ABCC9: variants seen among roughly 807,000 people sequenced by gnomAD.
ABCC9 encodes ATP-binding cassette sub-family C member 9.
In ABCC9, 95 loss-of-function variants were observed where a neutral mutation model predicts 188.3. That is an observed-to-expected ratio of 0.50 (90% CI 0.43 to 0.60). The LOEUF is 0.60. ABCC9 is among the 20% of genes least tolerant of loss of function. The pLI is 0.00. For synonymous variants in ABCC9, 659 were observed against 652.7 expected (o/e 1.01, Z -0.15); for missense variants, 1,102 against 1,876.3 (o/e 0.59, Z 7.62).
At chr12:21,916,888 A>G (rs771277913) in intron 6 of ABCC9, 49 bp downstream of exon 6, 2 of 1,530,478 alleles carry the variant, frequency 1.3e-6, no homozygotes, top group South Asian at 2.5e-5. Flanking sequence ...AATCTTTCAT[A>G]TTGGGGTCTT....
chr12:21,822,260 T>G (rs1265205570), intron 31 of ABCC9, among the ~76,000 whole-genome samples: 2 of 152,020 alleles, frequency 1.3e-5, no homozygotes, highest in Non-Finnish European at 2.9e-5. Flanking sequence ...TCTTTTAATT[T>G]TACTAACTAG....
chr12:21,915,657 C>T lies in ABCC9; in HGVS notation c.816+11G>A, dbSNP rs200986421. 9.6e-5 allele frequency: 155 copies of T among 1,611,040 alleles called. No homozygotes were observed. The highest frequency in any genetic ancestry group is 1.7e-4 in the Middle Eastern group (1 of 6,050). ...TGTAATTAAGCACATGGAAGACAGA[C>T]GCTAAATCACCTTTTGTTCTTCATA... On this transcript the variant is annotated intron_variant, in intron 7 of 39. Transcript: ENST00000261200.
At chr12:21,847,767 T>G (rs549275765) in intron 25 of ABCC9, among the ~76,000 whole-genome samples, 1 of 152,282 alleles carries the variant, frequency 6.6e-6, no homozygotes, top group South Asian at 2.1e-4. Flanking sequence ...ATACAGCTAC[T>G]TCAAAATGCC....
chr12:21,890,670 C>T (rs550602712), intron 14 of ABCC9, among the ~76,000 whole-genome samples: 32 of 151,964 alleles, frequency 2.1e-4, no homozygotes, highest in Admixed American at 1.7e-3. Flanking sequence ...GTCCTTTGTA[C>T]GGACATGGAT....
intron 22 of ABCC9, among the ~76,000 whole-genome samples, chr12:21,854,362 A>G (rs761160183): frequency 3.3e-5 from 5 of 152,220 alleles, no homozygotes; most frequent in Non-Finnish European, 5.9e-5. Context: ...TGCAAAAGAA[A>G]TATTAACAAA....
At chr12:21,877,742 A>G (rs1946432687) in intron 16 of ABCC9, among the ~76,000 whole-genome samples, 1 of 152,234 alleles carries the variant, frequency 6.6e-6, no homozygotes, top group Non-Finnish European at 1.5e-5. Flanking sequence ...GAGTGGTGAC[A>G]GCTGCATAGC....
chr12:21,813,353 T>C (rs943921203), intron 35 of ABCC9, among the ~76,000 whole-genome samples: 10 of 152,300 alleles, frequency 6.6e-5, no homozygotes, highest in Non-Finnish European at 1.2e-4. Context: ...AGATAAGATG[T>C]CAGGCTCAGA....
rs1389562014 is a variant in ABCC9 at position 21,910,853 on chromosome 12, A to G, written c.1137T>C (p.Thr379=). 2 of 1,612,474 alleles carry G rather than the reference A, an allele frequency of 1.2e-6. No homozygotes were observed. ...LQASYYVTIE[T]GINLRGALLA... Reference sequence around the variant, plus strand: ...GCAGAGCTCCACGGAGGTTAATGCCAGTCTCTATGGTTACATAGTAGGAAG... The same window carrying G: ...GCAGAGCTCCACGGAGGTTAATGCCGGTCTCTATGGTTACATAGTAGGAAG... The change falls in exon 9 of 40, where the codon ACT becomes ACC. Residue 379 remains threonine, a synonymous_variant. Transcript: ENST00000261200.
At chr12:21,893,643 G>A (rs1294975438) in intron 14 of ABCC9, among the ~76,000 whole-genome samples, 1 of 152,036 alleles carries the variant, frequency 6.6e-6, no homozygotes, top group Non-Finnish European at 1.5e-5. Context: ...AGAGATGCGT[G>A]AACTTCAATG....
intron 14 of ABCC9, among the ~76,000 whole-genome samples, chr12:21,889,995 G>A (rs997442195): frequency 5.9e-5 from 9 of 152,108 alleles, no homozygotes; most frequent in African/African-American, 1.7e-4. Context: ...ACTAGACTGT[G>A]AACTCGTTAG....
At chr12:21,901,164 T>C (rs1015867042) in intron 12 of ABCC9, among the ~76,000 whole-genome samples, 3 of 151,972 alleles carry the variant, frequency 2.0e-5, no homozygotes, top group African/African-American at 7.3e-5. Flanking sequence ...ATTCTTAAAG[T>C]AGAGAATTTT....
chr12:21,911,887 T>C (rs2137883124), intron 8 of ABCC9, among the ~76,000 whole-genome samples: 1 of 37,354 alleles, frequency 2.7e-5, no homozygotes, highest in African/African-American at 9.4e-5. Context: ...GGTGAAAATA[T>C]CTGGTTCATG....
intron 31 of ABCC9, among the ~76,000 whole-genome samples, chr12:21,821,906 G>C (rs1382625606): frequency 6.6e-6 from 1 of 151,940 alleles, no homozygotes; most frequent in Non-Finnish European, 1.5e-5. Context: ...CTTTCACGTG[G>C]TTAATGTTTT....
At chr12:21,840,933 C>T (rs1944348690) in intron 29 of ABCC9, among the ~76,000 whole-genome samples, 1 of 152,210 alleles carries the variant, frequency 6.6e-6, no homozygotes, top group South Asian at 2.1e-4. Context: ...TTTCACCTTC[C>T]TTGCACTCAA....
At chr12:21,825,145 A>G (rs1053649982) in intron 31 of ABCC9, among the ~76,000 whole-genome samples, 1 of 152,228 alleles carries the variant, frequency 6.6e-6, no homozygotes, top group Admixed American at 6.5e-5. Flanking sequence ...AGGAAACAAC[A>G]GATGCTAGAG....
intron 30 of ABCC9, among the ~76,000 whole-genome samples, chr12:21,836,173 G>A (rs1048188680): frequency 8.5e-5 from 13 of 152,250 alleles, no homozygotes; most frequent in African/African-American, 1.7e-4. Context: ...TGTCTCGGGC[G>A]TTAACCATCC....
In ABCC9 at chr12:21,818,259, A is replaced by G; in HGVS notation, c.3670-8T>C. The G allele has an allele frequency of 6.2e-7, 1 of 1,610,290 alleles. No individual in the cohort carries two copies. Among genetic ancestry groups the G allele is most frequent in the South Asian group, 1.1e-5 (1 of 91,012 alleles). ...GCAAGCTCCCAGATAATCCTTTGAA[A>G]AAGCAAGAGAAAATGTTAAAAGGTT... On this transcript the variant is annotated splice_polypyrimidine_tract_variant and splice_region_variant and intron_variant, in intron 31 of 39. Transcript: ENST00000261200.
Position 21,903,471 on chromosome 12 carries a change from G to A in ABCC9, c.1618+2655C>T, listed in dbSNP as rs571529988. On this transcript the variant is annotated intron_variant, in intron 12 of 39. Transcript: ENST00000261200. ...AAAGAAATAAAGGGTATTCAACTAG[G>A]AAAAGAGGAAGTCAAATTATCCCTG... 2.6e-5 allele frequency among the ~76,000 whole-genome samples: 4 copies of A among 152,284 alleles called. No homozygotes were observed. In the East Asian group the frequency reaches 7.7e-4, roughly 29 times the overall value.
At chr12:21,875,267 T>C (rs1320553743) in intron 17 of ABCC9, among the ~76,000 whole-genome samples, 1 of 147,430 alleles carries the variant, frequency 6.8e-6, no homozygotes, top group Non-Finnish European at 1.5e-5. Flanking sequence ...TAAATACATA[T>C]AATTATTGGA....
Sources: gnomAD v4.1 joint callset for allele counts (sites outside exome capture counted in the v4.1 genomes callset) on GRCh38, gnomAD v4.1.1 for gene constraint, MANE v1.5 for transcripts, NCBI Gene and HGNC (gene_info 2026-07-23, HGNC 2026-07-21) for gene names.